Variants in HPSE observed in about 807,000 individuals in gnomAD.
HPSE encodes the protein heparanase.
In HPSE, 48 loss-of-function variants were observed where a neutral mutation model predicts 65.1. The ratio of observed to expected loss-of-function variants is 0.74; its 90% CI spans 0.58 to 0.94. The LOEUF is 0.94. Ranked by LOEUF, HPSE falls within the 40% of genes least tolerant of loss-of-function variation. The pLI is 0.00. For synonymous variants in HPSE, 243 were observed against 260.0 expected (o/e 0.93, Z 0.63); for missense variants, 644 against 637.5 (o/e 1.01, Z -0.11).
Position 83,326,140 on chromosome 4 carries a change from C to G in HPSE, c.228-3776G>C, listed in dbSNP as rs1245092724. On this transcript the variant is annotated intron_variant, in intron 1 of 11. Coordinates refer to ENST00000311412, the MANE Select transcript of HPSE (RefSeq NM_001098540.3). The surrounding 1 kb of genome is among the most constrained non-coding windows in gnomAD (Gnocchi z 4.2). ...GTTAACGTAGACAAAACGTGATGGA[C>G]TGAGGTAAGGTAACAGCTCAGAGAT... 6.6e-6 allele frequency among the ~76,000 whole-genome samples: 1 copy of G among 152,140 alleles called. No homozygotes were observed. Among genetic ancestry groups the G allele is most frequent in the Non-Finnish European group, 1.5e-5 (1 of 68,034 alleles).
chr4:83,313,510 AC>A (rs1384697982), intron 3 of HPSE, among the ~76,000 whole-genome samples: 2 of 152,202 alleles, frequency 1.3e-5, no homozygotes, highest in Non-Finnish European at 2.9e-5. Flanking sequence ...CATGGAAGAT[AC>A]CAGAAGCTCT....
chr4:83,320,203 C>T (rs759748805), intron 2 of HPSE, among the ~76,000 whole-genome samples: 23 of 151,988 alleles, frequency 1.5e-4, no homozygotes, highest in Non-Finnish European at 3.1e-4. Flanking sequence ...GGGTGGGAAC[C>T]GTTGACTTTT....
intron 1 of HPSE, among the ~76,000 whole-genome samples, chr4:83,333,878 A>T (rs1004535265): frequency 7.2e-5 from 11 of 152,108 alleles, no homozygotes; most frequent in African/African-American, 2.7e-4. Flanking sequence ...AAGAAAAAGA[A>T]AAGAAAAGAA....
intron 3 of HPSE, among the ~76,000 whole-genome samples, 181 bp downstream of exon 3, chr4:83,319,163 A>C (rs1736771466): frequency 1.9e-5 from 1 of 53,648 alleles, no homozygotes; most frequent in South Asian, 6.4e-4. Flanking sequence ...CAGATGAAGA[A>C]AAAACAAACA....
intron 1 of HPSE, among the ~76,000 whole-genome samples, chr4:83,333,870 GAAAA>G (rs1398876005): frequency 3.3e-5 from 5 of 149,802 alleles, no homozygotes; most frequent in African/African-American, 1.2e-4. Flanking sequence ...AAAGAAAAAA[GAAAA>G]AGAAAAGAAA....
In HPSE at chr4:83,310,833, TCTC is replaced by T; in HGVS notation, c.728_730del (p.Gly243del). The T allele has an allele frequency of 1.2e-6, 2 of 1,613,982 alleles. No individual in the cohort carries two copies. The highest frequency in any genetic ancestry group is 2.2e-5 in the East Asian group (1 of 44,880). The stretch of plus-strand genomic sequence containing the variant: ...AAGTTTATGCAATTGAATAAAATCT[TCTC>T]CTAACTGCGACCCATTGATGAAAAT... On this transcript the variant is annotated inframe_deletion, in exon 5 of 12. Coordinates refer to ENST00000311412, the MANE Select transcript of HPSE (RefSeq NM_001098540.3).
intron 5 of HPSE, 148 bp downstream of exon 5, chr4:83,310,574 A>G: frequency 2.8e-6 from 2 of 718,766 alleles, no homozygotes; most frequent in Non-Finnish European, 4.7e-6. Context: ...TGTGGGACTG[A>G]GATGGGAGGA....
At chr4:83,320,212 T>C (rs904210148) in intron 2 of HPSE, among the ~76,000 whole-genome samples, 3 of 152,036 alleles carry the variant, frequency 2.0e-5, no homozygotes, top group Admixed American at 1.3e-4. Flanking sequence ...CCGTTGACTT[T>C]TTTTCGCTTT....
intron 7 of HPSE, among the ~76,000 whole-genome samples, 177 bp from the exon 8 acceptor site, chr4:83,309,128 G>A (rs1229928281): frequency 1.3e-5 from 2 of 152,144 alleles, no homozygotes; most frequent in East Asian, 3.8e-4. Context: ...TATTGAAATA[G>A]TAGGCTGTGG....
At chr4:83,299,854 A>C (rs1044275878) in intron 11 of HPSE, among the ~76,000 whole-genome samples, 1 of 151,982 alleles carries the variant, frequency 6.6e-6, no homozygotes, top group African/African-American at 2.4e-5. Context: ...ACAGGCATGC[A>C]CCACCACGCC....
intron 1 of HPSE, among the ~76,000 whole-genome samples, chr4:83,330,138 T>C (rs1024029077): frequency 9.8e-5 from 15 of 152,336 alleles, no homozygotes; most frequent in Admixed American, 5.2e-4. Flanking sequence ...ACTTGAACTA[T>C]AGCAGTATGG....
At chr4:83,320,712 C>T (rs1320729349) in intron 2 of HPSE, among the ~76,000 whole-genome samples, 2 of 152,238 alleles carry the variant, frequency 1.3e-5, no homozygotes, top group Admixed American at 1.3e-4. Context: ...TGCACACTGA[C>T]TCGCTGGCGG....
intron 4 of HPSE, among the ~76,000 whole-genome samples, chr4:83,311,662 TC>T (rs1470781857): frequency 6.6e-6 from 1 of 151,706 alleles, no homozygotes; most frequent in Non-Finnish European, 1.5e-5. Context: ...CATAGTGTAG[TC>T]CTAGCTAATC....
intron 3 of HPSE, among the ~76,000 whole-genome samples, chr4:83,318,469 T>G (rs550851976): frequency 6.6e-6 from 1 of 152,128 alleles, no homozygotes; most frequent in Admixed American, 6.5e-5. Flanking sequence ...CTGTCTCTAC[T>G]AAAAAATACA....
intron 1 of HPSE, among the ~76,000 whole-genome samples, chr4:83,324,456 G>A (rs924787049): frequency 6.6e-6 from 1 of 152,150 alleles, no homozygotes; most frequent in Non-Finnish European, 1.5e-5. Flanking sequence ...CAAAATGTAA[G>A]TCTCTTGTGT....
Position 83,318,423 on chromosome 4 carries a change from G to A in HPSE, c.499+921C>T, listed in dbSNP as rs569537663. On this transcript the variant is annotated intron_variant, in intron 3 of 11. Transcript: ENST00000311412. Reference sequence around the variant, plus strand: ...GTGGATCACCTGAGGTCAGGAGTTCGAGACGAGCCTGGAGCCTGGCCAACA... The same window carrying A: ...GTGGATCACCTGAGGTCAGGAGTTCAAGACGAGCCTGGAGCCTGGCCAACA... 4.2e-4 allele frequency among the ~76,000 whole-genome samples: 64 copies of A among 152,190 alleles called. 1 individual carries two copies. In the South Asian group the frequency reaches 0.012, roughly 30 times the overall value.
chr4:83,322,237 G>A lies in HPSE; in HGVS notation c.355C>T (p.Gln119Ter), dbSNP rs762923890. ...TTTTCACCCTGGTTGACTTGAGATT[G>A]CCAGTAACTTCTCTCTTCAAAGGTT... ...ESTFEERSYW[Q>*]SQVNQDICKY... The change falls in exon 2 of 12, where the codon CAA becomes TAA. Residue 119 changes from glutamine to a stop codon, truncating the protein, a stop_gained. Transcript: ENST00000311412. LOFTEE classifies it high-confidence loss of function. 1 of 1,613,386 alleles carries A rather than the reference G, an allele frequency of 6.2e-7. No individual in the cohort carries two copies. Among genetic ancestry groups the A allele is most frequent in the Non-Finnish European group, 8.5e-7 (1 of 1,179,688 alleles).
intron 1 of HPSE, among the ~76,000 whole-genome samples, chr4:83,332,025 TGGATTAATACCTAGAAGGTGCTTA>T (rs1394353751): frequency 6.6e-6 from 1 of 152,224 alleles, no homozygotes; most frequent in South Asian, 2.1e-4. Context: ...CAAGACTAAA[TGGATTAATACCTAGAAGGTGCTTA>T]GAACAGGGCC....
At chr4:83,307,295 T>C (rs1304855615) in intron 8 of HPSE, among the ~76,000 whole-genome samples, 1 of 152,166 alleles carries the variant, frequency 6.6e-6, no homozygotes, top group Non-Finnish European at 1.5e-5. Context: ...GGACCACAAG[T>C]GCATGCCACC....
Sources: gnomAD v4.1 joint callset for allele counts (sites outside exome capture counted in the v4.1 genomes callset) on GRCh38, gnomAD v4.1.1 for gene constraint, Gnocchi (gnomAD v3.1) non-coding constraint, MANE v1.5 for transcripts, NCBI Gene and HGNC (gene_info 2026-07-23, HGNC 2026-07-21) for gene names.